The following VPS37A variants were observed in gnomAD, a reference collection of about 807,000 sequenced individuals.
VPS37A encodes vacuolar protein sorting-associated protein 37A.
VPS37A carries 30 observed loss-of-function variants against 49.8 expected under a neutral mutation model. That is an observed-to-expected ratio of 0.60 (90% confidence interval 0.45 to 0.82). VPS37A has a LOEUF of 0.82. VPS37A is among the 40% of genes least tolerant of loss of function. VPS37A has a pLI of 0.00. For synonymous variants in VPS37A, 195 were observed against 160.6 expected (o/e 1.21, Z -1.62); for missense variants, 593 against 464.4 (o/e 1.28, Z -2.55).
chr8:17,274,957 C>T lies in VPS37A; in HGVS notation c.641C>T (p.Pro214Leu), dbSNP rs145870117. The T allele has an allele frequency of 3.4e-5, 55 of 1,613,034 alleles. No homozygotes were observed. The highest frequency in any genetic ancestry group is 7.7e-5 in the South Asian group (7 of 91,046). The change falls in exon 5 of 12, where the codon CCG becomes CTG. Residue 214 changes from proline to leucine, a missense_variant and splice_region_variant. Transcript: ENST00000324849. ...LPIPTVDASI[P>L]TSQNGFGYKM... ...ATTCCCACAGTGGATGCTTCAATACCGGTTGGTATCGTCAGTTATCTATAT... is the reference window on the plus strand; with the variant it reads ...ATTCCCACAGTGGATGCTTCAATACTGGTTGGTATCGTCAGTTATCTATAT...
chr8:17,273,838 A>T (rs1814245352), intron 4 of VPS37A, among the ~76,000 whole-genome samples: 1 of 152,118 alleles, frequency 6.6e-6, no homozygotes, highest in Admixed American at 6.5e-5. Flanking sequence ...AAATGAAATA[A>T]TAGTACTCTC....
the VPS37A span, among the ~76,000 whole-genome samples, chr8:17,318,650 CTT>C: frequency 6.6e-6 from 1 of 152,182 alleles, no homozygotes; most frequent in Non-Finnish European, 1.5e-5. Context: ...CTGAGATTCT[CTT>C]GTCTGGATGG....
the VPS37A span, among the ~76,000 whole-genome samples, chr8:17,327,641 T>TAA: frequency 8.7e-5 from 13 of 148,624 alleles, no homozygotes; most frequent in African/African-American, 3.2e-4. Flanking sequence ...AGAAACCTGG[T>TAA]AAAAAAAAAA....
At position 17,247,159 on chromosome 8, in the gene VPS37A, T is replaced by G. The variant is rs1811298307; in HGVS notation, c.-86T>G. 1 of 1,537,874 alleles carries G rather than the reference T, an allele frequency of 6.5e-7. No homozygotes were observed. The highest frequency in any genetic ancestry group is 2.0e-5 in the Admixed American group (1 of 50,642). On this transcript the variant is annotated 5_prime_UTR_variant, in exon 1 of 12. Transcript: ENST00000324849. ...GGCCACGGACGTCCCACCCCGCTCC[T>G]CTGTCGCTGGAGAACCGCCGGGCCG...
the VPS37A span, among the ~76,000 whole-genome samples, chr8:17,313,847 G>A: frequency 1.4e-4 from 21 of 152,300 alleles, no homozygotes; most frequent in African/African-American, 4.6e-4. Context: ...GATTAGGACT[G>A]TTGTAAAAAC....
downstream of VPS37A, among the ~76,000 whole-genome samples, chr8:17,306,171 C>T (rs1003120573): frequency 4.6e-5 from 7 of 152,062 alleles, no homozygotes; most frequent in East Asian, 1.9e-4. Context: ...GATGCGTTCA[C>T]GTTATAGTTA....
Position 17,257,970 on chromosome 8 carries a change from G to A in VPS37A, c.126-7937G>A, listed in dbSNP as rs1399156271. 2.0e-5 allele frequency among the ~76,000 whole-genome samples: 3 copies of A among 151,940 alleles called. No individual in the cohort carries two copies. The East Asian group carries it at 5.8e-4, about 29-fold the overall frequency. ...GCATATGTAAATGCCACTAATTTTT[G>A]TATGTTAATTTTGTATCCTGCAACT... On this transcript the variant is annotated intron_variant, in intron 1 of 11. Transcript: ENST00000324849.
chr8:17,325,043 A>G, the VPS37A span, among the ~76,000 whole-genome samples: 54 of 152,238 alleles, frequency 3.5e-4, no homozygotes, highest in South Asian at 0.011. Context: ...TCCATCTTCC[A>G]TTTCCTCAAG....
At chr8:17,273,817 G>C (rs1586007084) in intron 4 of VPS37A, among the ~76,000 whole-genome samples, 1 of 151,734 alleles carries the variant, frequency 6.6e-6, no homozygotes, top group Non-Finnish European at 1.5e-5. Flanking sequence ...TCCAACTCAG[G>C]TTATGTCATT....
chr8:17,306,560 T>C (rs1349628890), downstream of VPS37A, among the ~76,000 whole-genome samples: 2 of 152,182 alleles, frequency 1.3e-5, no homozygotes, highest in Non-Finnish European at 2.9e-5. Flanking sequence ...TTCCTCAAAT[T>C]TGTATTGATT....
chr8:17,275,377 C>G (rs1814423687), intron 5 of VPS37A, among the ~76,000 whole-genome samples: 1 of 152,072 alleles, frequency 6.6e-6, no homozygotes, highest in Non-Finnish European at 1.5e-5. Context: ...TTTGAAAGAT[C>G]ATTATTAATT....
In VPS37A at chr8:17,268,260, T is replaced by G; in HGVS notation, c.203T>G (p.Leu68Trp). 1 of 1,609,464 alleles carries G rather than the reference T, an allele frequency of 6.2e-7. No homozygotes were observed. The highest frequency in any genetic ancestry group is 8.5e-7 in the Non-Finnish European group (1 of 1,177,270). The part of the protein sequence containing the change: ...INNLTININI[L>W]LPPQFPQEKP... ...TTCATCTGTTCTACCTCTACCAGATTGCTTCCTCCACAGTTTCCTCAGGAA... is the reference window on the plus strand; with the variant it reads ...TTCATCTGTTCTACCTCTACCAGATGGCTTCCTCCACAGTTTCCTCAGGAA... Residue 68 changes from leucine (L) to tryptophan (W), a missense_variant and splice_region_variant, in exon 3 of 12, where the codon TTG becomes TGG. Physicochemically the swap from Leu to Trp is moderately conservative, Grantham distance 61 (BLOSUM62 -2). Coordinates refer to ENST00000324849, the MANE Select transcript of VPS37A (RefSeq NM_152415.3).
chr8:17,286,598 A>C, intron 11 of VPS37A, 171 bp downstream of exon 11: 1 of 531,794 alleles, frequency 1.9e-6, no homozygotes, highest in Non-Finnish European at 3.3e-6. Context: ...ATATAAACAT[A>C]TAACTAGTAG....
downstream of VPS37A, chr8:17,302,450 T>C (rs530851222): frequency 5.9e-6 from 4 of 682,760 alleles, 1 homozygote; most frequent in South Asian, 2.7e-5. Context: ...GATGTTTTTT[T>C]TCTTGGGTCA....
At chr8:17,308,384 G>A in the VPS37A span, among the ~76,000 whole-genome samples, 2 of 152,064 alleles carry the variant, frequency 1.3e-5, no homozygotes, top group African/African-American at 2.4e-5. Context: ...TTTCTCATTG[G>A]TAAATGGAAT....
intron 4 of VPS37A, among the ~76,000 whole-genome samples, chr8:17,272,507 G>C (rs77776746): frequency 0.021 from 3,234 of 152,204 alleles, 56 homozygotes; most frequent in Middle Eastern, 0.048. Context: ...TTTCAGATAA[G>C]TTCGGGGATA....
At chr8:17,304,564 TAC>T, downstream of VPS37A, 10 of 1,583,160 alleles carry the variant, frequency 6.3e-6, no homozygotes, top group Non-Finnish European at 8.7e-6. Context: ...TTTTGGTGCT[TAC>T]ACACAGTAGA....
intron 11 of VPS37A, among the ~76,000 whole-genome samples, chr8:17,294,710 G>T (rs188133861): frequency 6.6e-6 from 1 of 152,136 alleles, no homozygotes; most frequent in African/African-American, 2.4e-5. Context: ...TGCACTTACC[G>T]GGTGAGGCAA....
At chr8:17,301,817 A>G, downstream of VPS37A, 1 of 349,122 alleles carries the variant, frequency 2.9e-6, no homozygotes, top group East Asian at 4.8e-5. Flanking sequence ...TTACAAGTAC[A>G]TATATTTGAT....
Sources: gnomAD v4.1 joint callset for allele counts (sites outside exome capture counted in the v4.1 genomes callset) on GRCh38, gnomAD v4.1.1 for gene constraint, MANE v1.5 for transcripts, NCBI Gene and HGNC (gene_info 2026-07-23, HGNC 2026-07-21) for gene names.